MYO6: variants seen among roughly 807,000 people sequenced by gnomAD.
MYO6 encodes the protein myosin VI, also known as unconventional myosin-VI.
Under a neutral mutation model 178.7 loss-of-function variants are expected in MYO6, and 74 were observed. That is an observed-to-expected ratio of 0.41 (90% CI 0.34 to 0.50). MYO6 has a LOEUF of 0.50. Ranked by LOEUF, MYO6 falls within the 20% of genes least tolerant of loss-of-function variation. The pLI is 0.09. For missense variants in MYO6, 1,330 were observed against 1,547.4 expected, an observed-to-expected ratio of 0.86 and a Z score of 2.36; for synonymous variants, 477 against 504.6, an observed-to-expected ratio of 0.95 and a Z score of 0.73.
At chr6:75,749,701 C>T (rs1282839750) in intron 1 of MYO6, among the ~76,000 whole-genome samples, 1 of 152,236 alleles carries the variant, frequency 6.6e-6, no homozygotes, top group Non-Finnish European at 1.5e-5. Flanking sequence ...CAGGTAGAAG[C>T]AGAGCACTCA....
At chr6:75,811,678 A>T (rs180796974) in intron 1 of MYO6, among the ~76,000 whole-genome samples, 96 of 151,950 alleles carry the variant, frequency 6.3e-4, no homozygotes, top group African/African-American at 2.1e-3. Context: ...ATTTCAGGTA[A>T]TTTTTCCTAA....
intron 1 of MYO6, among the ~76,000 whole-genome samples, chr6:75,795,521 T>C (rs1481760150): frequency 6.6e-6 from 1 of 152,226 alleles, no homozygotes; most frequent in African/African-American, 2.4e-5. Context: ...TCAGGTTTTA[T>C]AGAGGATCTC....
chr6:75,807,754 C>T (rs1027018196), intron 1 of MYO6, among the ~76,000 whole-genome samples: 12 of 152,208 alleles, frequency 7.9e-5, no homozygotes, highest in African/African-American at 2.9e-4. Flanking sequence ...GATTATACTA[C>T]CAGAGATCTC....
intron 14 of MYO6, among the ~76,000 whole-genome samples, chr6:75,859,868 C>G (rs2149291011): frequency 6.6e-6 from 1 of 152,004 alleles, no homozygotes; most frequent in South Asian, 2.1e-4. Flanking sequence ...CCATGTTGAC[C>G]AGGCTGGTCT....
chr6:75,893,347 A>G (rs1779052609), intron 28 of MYO6, among the ~76,000 whole-genome samples: 1 of 152,214 alleles, frequency 6.6e-6, no homozygotes. Flanking sequence ...ATGTAGAGGC[A>G]TTAATTATTT....
chr6:75,914,414 C>A (rs1007719681), intron 34 of MYO6, 133 bp downstream of exon 34: 2 of 933,044 alleles, frequency 2.1e-6, no homozygotes, highest in Non-Finnish European at 3.3e-6. Context: ...GCGGTTAAAT[C>A]ACATTTCCAG....
chr6:75,848,260 G>C, intron 10 of MYO6, 91 bp from the exon 11 acceptor site: 2 of 1,171,910 alleles, frequency 1.7e-6, no homozygotes, highest in Non-Finnish European at 2.6e-6. Context: ...ATTTTTGCAT[G>C]TTATATAGTG....
chr6:75,813,973 A>G (rs1770953412), intron 1 of MYO6, among the ~76,000 whole-genome samples: 1 of 152,068 alleles, frequency 6.6e-6, no homozygotes, highest in African/African-American at 2.4e-5. Flanking sequence ...AGGAGTCTTT[A>G]ATAGAGCTGT....
intron 1 of MYO6, among the ~76,000 whole-genome samples, chr6:75,759,829 A>G (rs1272596245): frequency 2.0e-5 from 3 of 152,146 alleles, no homozygotes; most frequent in Admixed American, 1.3e-4. Flanking sequence ...ATTTTAGGAA[A>G]TTTTGATGAT....
At chr6:75,835,820 G>A in intron 6 of MYO6, 81 bp from the exon 7 acceptor site, 1 of 799,466 alleles carries the variant, frequency 1.3e-6, no homozygotes, top group Non-Finnish European at 2.2e-6. Flanking sequence ...CTAGGTTTCA[G>A]TTTTATATGT....
intron 16 of MYO6, among the ~76,000 whole-genome samples, chr6:75,863,028 T>A (rs953311651): frequency 2.0e-5 from 3 of 152,136 alleles, no homozygotes; most frequent in Admixed American, 2.0e-4. Context: ...GAGTCGAGGC[T>A]ACAGTGAGTT....
chr6:75,886,028 C>A lies in MYO6; in HGVS notation c.2441C>A (p.Ala814Asp). The A allele has an allele frequency of 2.5e-6, 4 of 1,609,432 alleles. No individual in the cohort carries two copies. Among genetic ancestry groups the A allele is most frequent in the Non-Finnish European group, 3.4e-6 (4 of 1,176,448 alleles). ...GTGAAAAACAAAATAAAATATCGAGCTGAAGCCTGCATTAAAATGCAAAAA... is the reference window on the plus strand; with the variant it reads ...GTGAAAAACAAAATAAAATATCGAGATGAAGCCTGCATTAAAATGCAAAAA... ...IKLKNKIKYRAEACIKMQKTI... is the reference protein window; with the variant it reads ...IKLKNKIKYRDEACIKMQKTI... The change falls in exon 24 of 35, where the codon GCT becomes GAT. Residue 814 changes from alanine to aspartate, a missense_variant. Ala to Asp is a moderately radical substitution (Grantham distance 126). Around this residue, in one of 3 missense-constraint regions of MYO6, gnomAD observed 601 missense variants for 626.1 expected, o/e 0.96. Coordinates refer to ENST00000369977, the MANE Select transcript of MYO6 (RefSeq NM_004999.4).
At chr6:75,850,869 A>C (rs1433364487) in intron 11 of MYO6, among the ~76,000 whole-genome samples, 1 of 151,336 alleles carries the variant, frequency 6.6e-6, no homozygotes, top group Non-Finnish European at 1.5e-5. Context: ...AGTACAATTA[A>C]AATACAGATT....
At chr6:75,900,770 G>A (rs1313284721) in intron 30 of MYO6, among the ~76,000 whole-genome samples, 1 of 151,496 alleles carries the variant, frequency 6.6e-6, no homozygotes, top group Non-Finnish European at 1.5e-5. Context: ...GGCTTTTGTT[G>A]CCATTGCTTT....
rs749711192 is a variant in MYO6 at position 75,879,898 on chromosome 6, A to C, written c.2156A>C (p.Lys719Thr). 1.2e-6 allele frequency: 2 copies of C among 1,614,146 alleles called. No homozygotes were observed. Among genetic ancestry groups the C allele is most frequent in the Non-Finnish European group, 1.7e-6 (2 of 1,180,000 alleles). Residue 719 changes from lysine to threonine, a missense_variant, in exon 21 of 35, where the codon AAA becomes ACA. Lys to Thr is a moderately conservative substitution (Grantham distance 78). Transcript: ENST00000369977. ...ASFHELYNMY[K>T]KYMPDKLARL... ...TTTCATGAACTCTACAACATGTACAAAAAGTATATGCCAGATAAACTTGCA... is the reference window on the plus strand; with the variant it reads ...TTTCATGAACTCTACAACATGTACACAAAGTATATGCCAGATAAACTTGCA...
At position 75,881,704 on chromosome 6, in the gene MYO6, C is replaced by A; in HGVS notation, c.2302C>A (p.Gln768Lys). The change falls in exon 23 of 35, where the codon CAG becomes AAG. Residue 768 changes from glutamine to lysine, a missense_variant. Gln to Lys is a moderately conservative substitution (Grantham distance 53). This residue lies in a region of MYO6 where 613 missense variants were observed against 816.8 expected (regional missense o/e 0.75). Transcript: ENST00000369977. ...FRPGKFAEFDQIMKSDPDHLA... is the reference protein window; with the variant it reads ...FRPGKFAEFDKIMKSDPDHLA... The stretch of plus-strand genomic sequence containing the variant: ...CACTTCCTAGTTTGCAGAATTTGAT[C>A]AGATCATGAAGTCTGACCCTGACCA... The A allele has an allele frequency of 1.2e-6, 2 of 1,613,684 alleles. No homozygotes were observed. Among genetic ancestry groups the A allele is most frequent in the South Asian group, 2.2e-5 (2 of 91,032 alleles).
chr6:75,853,437 G>GT lies in MYO6; in HGVS notation c.1079-1695dup, dbSNP rs369593306. Among the ~76,000 whole-genome samples the GT allele has an allele frequency of 3.1e-3, 477 of 152,170 alleles. 1 individual carries two copies. Among genetic ancestry groups the GT allele is most frequent in the Admixed American group, 5.0e-3 (76 of 15,286 alleles). ...TTGTGATCATGAAGGTTTATACCTA[G>GT]TTTTTTTCTAACAGTTTAATAGCTT... On this transcript the variant is annotated intron_variant, in intron 11 of 34. Transcript: ENST00000369977.
chr6:75,900,276 G>A (rs1014590481), intron 30 of MYO6, among the ~76,000 whole-genome samples: 1 of 152,078 alleles, frequency 6.6e-6, no homozygotes. Context: ...GGGTCAAATG[G>A]TATTTCTAGT....
intron 1 of MYO6, among the ~76,000 whole-genome samples, chr6:75,756,166 A>G (rs1233761046): frequency 1.3e-5 from 2 of 151,904 alleles, no homozygotes. Context: ...CGGCTGAGGC[A>G]GGAGGAATGC....
Sources: gnomAD v4.1 joint callset for allele counts (sites outside exome capture counted in the v4.1 genomes callset) on GRCh38, gnomAD v4.1.1 for gene constraint, gnomAD v4.1.1 regional missense constraint, MANE v1.5 for transcripts, NCBI Gene and HGNC (gene_info 2026-07-23, HGNC 2026-07-21) for gene names.